CABP5: variants seen among roughly 807,000 people sequenced by gnomAD.
The protein encoded by CABP5 is calcium binding protein 5, also known as calcium-binding protein 5.
In CABP5, 17 loss-of-function variants were observed where a neutral mutation model predicts 21.9. The ratio of observed to expected loss-of-function variants is 0.78; its 90% CI spans 0.53 to 1.17. The LOEUF (loss-of-function observed/expected upper bound fraction) is 1.17. CABP5 is among the 50% of genes most tolerant of loss of function. The probability of loss-of-function intolerance (pLI) is 0.00; values close to 1 mark genes in which losing one functional copy is unlikely to be tolerated. For missense variants in CABP5, 229 were observed against 228.9 expected, an observed-to-expected ratio of 1.00 and a Z score of 0.00; for synonymous variants, 85 against 79.4, an observed-to-expected ratio of 1.07 and a Z score of -0.37.
chr19:48,035,727 G>A (rs1194112241), intron 4 of CABP5, among the ~76,000 whole-genome samples: 1 of 152,244 alleles, frequency 6.6e-6, no homozygotes, highest in African/African-American at 2.4e-5. Flanking sequence ...TTGAGGAAGA[G>A]GCAGAAGTGG....
Position 48,043,849 on chromosome 19 carries a change from C to G in CABP5, c.63+11G>C. On this transcript the variant is annotated intron_variant, in intron 1 of 5. Coordinates refer to ENST00000293255, the MANE Select transcript of CABP5 (RefSeq NM_019855.5). ...CCGCCCACCGCCCTTCCCCCTCACTCCCCACCTCACCCGCTGTTTCTCAGC... is the reference window on the plus strand; with the variant it reads ...CCGCCCACCGCCCTTCCCCCTCACTGCCCACCTCACCCGCTGTTTCTCAGC... 1 of 1,490,510 alleles carries G rather than the reference C, an allele frequency of 6.7e-7. No homozygotes were observed. The highest frequency in any genetic ancestry group is 8.9e-7 in the Non-Finnish European group (1 of 1,122,336). The allele number at this position is 1,490,510 out of a possible 1,614,324, so 92.3% of individuals were successfully genotyped here. A position where few individuals can be genotyped will look rare whatever the true frequency, so the allele number is the denominator to read the frequency against.
At chr19:48,036,223 G>A (rs938832119) in intron 4 of CABP5, among the ~76,000 whole-genome samples, 1 of 152,112 alleles carries the variant, frequency 6.6e-6, no homozygotes, top group African/African-American at 2.4e-5. Context: ...AAATGTGTCA[G>A]TAGTGCCCAT....
At position 48,032,773 on chromosome 19, in the gene CABP5, G is replaced by A. The variant is rs530488672; in HGVS notation, c.496+1442C>T. On this transcript the variant is annotated intron_variant, in intron 5 of 5. Coordinates refer to ENST00000293255, the MANE Select transcript of CABP5 (RefSeq NM_019855.5). ...AGCCCCCGTATAGCCTGGGACTACA[G>A]GCGTGCACTGTCACTCCTAGCTAAT... Among the ~76,000 whole-genome samples, 4 of 152,118 alleles carry A rather than the reference G, an allele frequency of 2.6e-5. No individual in the cohort carries two copies. In the South Asian group the frequency reaches 6.2e-4, roughly 24 times the overall value.
rs761386636 is a variant in CABP5 at position 48,040,664 on chromosome 19, A to T, written c.179T>A (p.Met60Lys). The change falls in exon 3 of 6, where the codon ATG becomes AAG. Residue 60 changes from methionine (M) to lysine (K), a missense_variant. Coordinates refer to ENST00000293255, the MANE Select transcript of CABP5 (RefSeq NM_019855.5). ...CKDLGNLMRT[M>K]GYMPTEMELI... ...TTCCATCTCCGTGGGCATGTAACCCATCGTCCTCATGAGATTCCCCAGATC... is the reference window on the plus strand; with the variant it reads ...TTCCATCTCCGTGGGCATGTAACCCTTCGTCCTCATGAGATTCCCCAGATC... 11 of 1,613,828 alleles carry T rather than the reference A, an allele frequency of 6.8e-6. 1 individual carries two copies. The East Asian group carries it at 2.5e-4, about 36-fold the overall frequency.
intron 3 of CABP5, 95 bp downstream of exon 3, chr19:48,040,510 C>A: frequency 7.5e-7 from 1 of 1,334,486 alleles, no homozygotes; most frequent in South Asian, 1.4e-5. Context: ...ATCCTCCTCT[C>A]CACCCCCAAC....
At chr19:48,036,491 G>T (rs1161858887) in intron 4 of CABP5, among the ~76,000 whole-genome samples, 1 of 152,188 alleles carries the variant, frequency 6.6e-6, no homozygotes, top group Admixed American at 6.5e-5. Flanking sequence ...GCAGAGAGTA[G>T]AAGGATAGTT....
In CABP5 at chr19:48,034,233, C is replaced by T. The variant is rs551792483; in HGVS notation, c.478G>A (p.Gly160Ser). The T allele has an allele frequency of 4.4e-6, 7 of 1,595,790 alleles. No homozygotes were observed. In the East Asian group the frequency reaches 9.3e-5, roughly 21 times the overall value. The change falls in exon 5 of 6, where the codon GGC becomes AGC. Residue 160 changes from glycine (G) to serine (S), a missense_variant. Gly to Ser is a moderately conservative substitution (Grantham distance 56, BLOSUM62 0). Transcript: ENST00000293255. ...ATGTCACCTTCAAAGTCAACTGTGC[C>T]GTCTCCATTAACATCAGCCTCCCGG... The part of the protein sequence containing the change: ...VVREADVNGD[G>S]TVDFEEFVKM...
Position 48,039,307 on chromosome 19 carries a change from A to T in CABP5, c.249T>A (p.Arg83=). The change falls in exon 4 of 6, where the codon CGT becomes CGA. Residue 83 remains arginine, a synonymous_variant. Transcript: ENST00000293255. The stretch of plus-strand genomic sequence containing the variant: ...GCTCCACAAAGTCATCAAAGTCTAC[A>T]CGGCCACCCACTGAGGAAGATGGCA... ...GQQIRMNLGG[R]VDFDDFVELM... 4 of 1,613,944 alleles carry T rather than the reference A, an allele frequency of 2.5e-6. No individual in the cohort carries two copies. The highest frequency in any genetic ancestry group is 3.4e-6 in the Non-Finnish European group (4 of 1,179,856).
Position 48,030,601 on chromosome 19 carries a change from A to T in CABP5, c.497-19T>A, listed in dbSNP as rs754396997. The T allele has an allele frequency of 1.2e-6, 2 of 1,604,310 alleles. No homozygotes were observed. The highest frequency in any genetic ancestry group is 2.2e-5 in the East Asian group (1 of 44,788). On this transcript the variant is annotated intron_variant, in intron 5 of 5. Coordinates refer to ENST00000293255, the MANE Select transcript of CABP5 (RefSeq NM_019855.5). The stretch of plus-strand genomic sequence containing the variant: ...ACAAACTCTGCAAAGAAAAAAAAAA[A>T]TCCCCAGTAAGGCATCTCGTTGTAA...
chr19:48,035,840 AT>A (rs1967402303), intron 4 of CABP5, among the ~76,000 whole-genome samples: 1 of 152,232 alleles, frequency 6.6e-6, no homozygotes, highest in Non-Finnish European at 1.5e-5. Context: ...CTTGTGTGTC[AT>A]GGGACGTTGT....
intron 2 of CABP5, among the ~76,000 whole-genome samples, chr19:48,041,161 G>A (rs1018739256): frequency 6.6e-6 from 1 of 151,672 alleles, no homozygotes; most frequent in East Asian, 1.9e-4. Flanking sequence ...ACTCCAGCCT[G>A]GCAACAAGAG....
intron 1 of CABP5, among the ~76,000 whole-genome samples, chr19:48,043,159 G>C (rs903364347): frequency 6.9e-6 from 1 of 144,874 alleles, no homozygotes; most frequent in Non-Finnish European, 1.5e-5. Flanking sequence ...GCAGATGCAT[G>C]CCACCATGCT....
intron 4 of CABP5, among the ~76,000 whole-genome samples, chr19:48,036,838 A>C (rs1298899389): frequency 1.3e-5 from 2 of 152,202 alleles, no homozygotes; most frequent in Non-Finnish European, 2.9e-5. Flanking sequence ...TTCGTGAAAA[A>C]AATGCTCAGC....
At position 48,029,642 on chromosome 19, in the gene CABP5, A is replaced by C. The variant is rs2122355107; in HGVS notation, c.*915T>G. Among the ~76,000 whole-genome samples, 1 of 152,246 alleles carries C rather than the reference A, an allele frequency of 6.6e-6. No homozygotes were observed. On this transcript the variant is annotated 3_prime_UTR_variant, in exon 6 of 6. Coordinates refer to ENST00000293255, the MANE Select transcript of CABP5 (RefSeq NM_019855.5). ...AACTGGGGATTTGGGGGATCCTGTCATCTCTCTCTTTGCATGATGACATTT... is the reference window on the plus strand; with the variant it reads ...AACTGGGGATTTGGGGGATCCTGTCCTCTCTCTCTTTGCATGATGACATTT...
chr19:48,031,011 C>T (rs190133027), intron 5 of CABP5, among the ~76,000 whole-genome samples: 67 of 152,164 alleles, frequency 4.4e-4, no homozygotes, highest in African/African-American at 1.4e-3. Flanking sequence ...TGCTCAGAAC[C>T]GTGCCTGCCA....
chr19:48,034,349 C>A lies in CABP5; in HGVS notation c.362G>T (p.Gly121Val). ...RDAFKEFDTNGDGEITLVELQ... is the reference protein window; with the variant it reads ...RDAFKEFDTNVDGEITLVELQ... ...CTCCACCAGGGTGATCTCCCCATCT[C>A]CATTCGTGTCAAACTGAATAGAAGC... The change falls in exon 5 of 6, where the codon GGA becomes GTA. Residue 121 changes from glycine to valine, a missense_variant. Coordinates refer to ENST00000293255, the MANE Select transcript of CABP5 (RefSeq NM_019855.5). 1 of 1,569,684 alleles carries A rather than the reference C, an allele frequency of 6.4e-7. No homozygotes were observed. Among genetic ancestry groups the A allele is most frequent in the Non-Finnish European group, 8.6e-7 (1 of 1,159,584 alleles).
intron 1 of CABP5, 99 bp downstream of exon 1, chr19:48,043,761 T>G: frequency 9.8e-7 from 1 of 1,020,058 alleles, no homozygotes; most frequent in Non-Finnish European, 1.3e-6. Flanking sequence ...TATCCACCTG[T>G]TCCCCTGGTT....
chr19:48,034,259 A>C lies in CABP5; in HGVS notation c.452T>G (p.Val151Gly). The C allele has an allele frequency of 6.2e-7, 1 of 1,607,756 alleles. No individual in the cohort carries two copies. ...GTCTCCATTAACATCAGCCTCCCGG[A>C]CAACCTCAGAGATCTCCCGGGGGGT... ...RLTPREISEV[V>G]READVNGDGT... Residue 151 changes from valine (V) to glycine (G), a missense_variant, in exon 5 of 6, where the codon GTC becomes GGC. Coordinates refer to ENST00000293255, the MANE Select transcript of CABP5 (RefSeq NM_019855.5).
Position 48,041,557 on chromosome 19 carries a change from G to A in CABP5, c.94+16C>T, listed in dbSNP as rs369967045. On this transcript the variant is annotated intron_variant, in intron 2 of 5. Coordinates refer to ENST00000293255, the MANE Select transcript of CABP5 (RefSeq NM_019855.5). The stretch of plus-strand genomic sequence containing the variant: ...GTGGATGGCAACGTGGAAGCAACTG[G>A]GGAAGACGGTGTTACCTTCAATCTC... The A allele has an allele frequency of 4.5e-5, 72 of 1,612,088 alleles. 1 individual carries two copies. The African/African-American group carries it at 7.7e-4, about 17-fold the overall frequency.
Sources: allele counts gnomAD v4.1 joint callset (sites outside exome capture counted in the v4.1 genomes callset), GRCh38; gene constraint gnomAD v4.1.1; transcripts MANE v1.5; gene names NCBI Gene and HGNC (gene_info 2026-07-23, HGNC 2026-07-21).